The following FRMD6 variants were observed in gnomAD, a reference collection of about 807,000 sequenced individuals.
FRMD6 encodes FERM domain containing 6, also known as FERM domain-containing protein 6.
FRMD6 carries 37 observed loss-of-function variants against 73.2 expected under a neutral mutation model. The observed-to-expected ratio is 0.51, with a 90% CI of 0.39 to 0.66. The LOEUF (loss-of-function observed/expected upper bound fraction) is 0.66, where lower values mean the gene tolerates loss of function less well. FRMD6 is among the 30% of genes least tolerant of loss of function. The pLI, the probability that FRMD6 is intolerant of heterozygous loss-of-function variation, is 0.00. For synonymous variants in FRMD6, 273 were observed against 282.2 expected, an observed-to-expected ratio of 0.97 and a Z score of 0.33; for missense variants, 714 against 780.5, an observed-to-expected ratio of 0.91 and a Z score of 1.02.
At chr14:51,471,323 A>C in the FRMD6 span, among the ~76,000 whole-genome samples, 1 of 151,986 alleles carries the variant, frequency 6.6e-6, no homozygotes, top group East Asian at 1.9e-4. Flanking sequence ...CCCTGTCTCT[A>C]CTAAAAATAC....
At chr14:51,436,930 G>T in the FRMD6 span, 1 of 1,014,172 alleles carries the variant, frequency 9.9e-7, no homozygotes, top group Non-Finnish European at 1.4e-6. Flanking sequence ...ATGATGAAGG[G>T]GAGGGAGAGG....
intron 1 of FRMD6, among the ~76,000 whole-genome samples, chr14:51,569,679 T>C (rs1470990845): frequency 1.3e-5 from 2 of 151,554 alleles, no homozygotes; most frequent in Non-Finnish European, 1.5e-5. Context: ...TTTTTGTATT[T>C]TTTGTGGAGA....
At chr14:51,503,696 A>G (rs73285013) in intron 1 of FRMD6, among the ~76,000 whole-genome samples, 56,527 of 146,462 alleles carry the variant, frequency 0.39, 10,874 homozygotes, top group East Asian at 0.49. Flanking sequence ...TTTTTTTTGT[A>G]TCTCTGCTGG....
the FRMD6 span, among the ~76,000 whole-genome samples, chr14:51,412,492 G>C: frequency 1.3e-5 from 2 of 151,922 alleles, no homozygotes; most frequent in Admixed American, 6.6e-5. Flanking sequence ...ATGTAAGAGA[G>C]GGGGAGGGAA....
chr14:51,528,100 C>A (rs574933136), intron 1 of FRMD6, among the ~76,000 whole-genome samples: 1 of 152,158 alleles, frequency 6.6e-6, no homozygotes, highest in African/African-American at 2.4e-5. Context: ...TAGGATCATG[C>A]CACTGCACTC....
At chr14:51,452,107 A>G in the FRMD6 span, among the ~76,000 whole-genome samples, 1 of 152,260 alleles carries the variant, frequency 6.6e-6, no homozygotes, top group Non-Finnish European at 1.5e-5. Context: ...AACTGACAGT[A>G]GAGAGAATAC....
chr14:51,611,524 G>T (rs905373568), intron 2 of FRMD6, among the ~76,000 whole-genome samples: 3 of 152,108 alleles, frequency 2.0e-5, no homozygotes, highest in Non-Finnish European at 4.4e-5. Flanking sequence ...CCTAAAGTAC[G>T]GTCAAGATTG....
chr14:51,709,615 A>G (rs1276742488), intron 7 of FRMD6, among the ~76,000 whole-genome samples: 1 of 152,170 alleles, frequency 6.6e-6, no homozygotes, highest in Non-Finnish European at 1.5e-5. Context: ...TCTTCCTTGA[A>G]AGGCATAATT....
chr14:51,484,525 G>C (rs1882726815), upstream of FRMD6, among the ~76,000 whole-genome samples: 1 of 152,174 alleles, frequency 6.6e-6, no homozygotes, highest in Non-Finnish European at 1.5e-5. Context: ...CCACTCAGCA[G>C]TCACCCAGTG....
Position 51,620,383 on chromosome 14 carries a change from C to A in FRMD6, c.-147+49973C>A, listed in dbSNP as rs576947232. ...GAAGGAAAAAGATTCCGCAAAACCA[C>A]AAGGAAAGTTCCACTGATTTGGCGC... On this transcript the variant is annotated intron_variant, in intron 2 of 14. Transcript: ENST00000356218. 1.1e-4 allele frequency among the ~76,000 whole-genome samples: 16 copies of A among 152,182 alleles called. No individual in the cohort carries two copies. In the East Asian group the frequency reaches 3.1e-3, roughly 29 times the overall value.
At chr14:51,491,330 C>T (rs1021801220) in intron 1 of FRMD6, 1 of 152,348 alleles carries the variant, frequency 6.6e-6, no homozygotes, top group Non-Finnish European at 1.5e-5. Flanking sequence ...TTCCTTACAG[C>T]TGCTTCTTCT....
chr14:51,427,925 T>G, the FRMD6 span, among the ~76,000 whole-genome samples: 1 of 152,336 alleles, frequency 6.6e-6, no homozygotes, highest in South Asian at 2.1e-4. Flanking sequence ...TGTACAATAC[T>G]ACCACATTCT....
At chr14:51,622,869 G>A (rs142269480) in intron 2 of FRMD6, among the ~76,000 whole-genome samples, 2 of 152,094 alleles carry the variant, frequency 1.3e-5, no homozygotes, top group African/African-American at 2.4e-5. Context: ...GGACTCAAGC[G>A]ATCGTCCCAT....
chr14:51,639,049 G>GTGTC (rs1891703391), intron 2 of FRMD6, among the ~76,000 whole-genome samples: 1 of 149,514 alleles, frequency 6.7e-6, no homozygotes, highest in Non-Finnish European at 1.5e-5. Flanking sequence ...GACACTTCAA[G>GTGTC]TGTCAGGATT....
intron 1 of FRMD6, among the ~76,000 whole-genome samples, chr14:51,680,709 G>A (rs1333168038): frequency 9.9e-5 from 15 of 151,874 alleles, no homozygotes; most frequent in Admixed American, 2.0e-4. Context: ...GCTATAGTGG[G>A]TATTTGTGAT....
At chr14:51,452,908 A>T in the FRMD6 span, among the ~76,000 whole-genome samples, 2 of 152,320 alleles carry the variant, frequency 1.3e-5, no homozygotes, top group Non-Finnish European at 2.9e-5. Flanking sequence ...ATGTCTCATC[A>T]TCGGTAATCT....
chr14:51,409,284 C>T, the FRMD6 span, among the ~76,000 whole-genome samples: 4 of 151,664 alleles, frequency 2.6e-5, no homozygotes, highest in Admixed American at 6.6e-5. Flanking sequence ...AGAGCAAAAG[C>T]CAGCCTAAGT....
chr14:51,446,098 C>G, the FRMD6 span, among the ~76,000 whole-genome samples: 1 of 152,216 alleles, frequency 6.6e-6, no homozygotes, highest in Non-Finnish European at 1.5e-5. Flanking sequence ...TTCTTAGCTT[C>G]TACACTGTCT....
chr14:51,417,293 G>A, the FRMD6 span, among the ~76,000 whole-genome samples: 3 of 152,162 alleles, frequency 2.0e-5, no homozygotes, highest in Admixed American at 1.3e-4. Flanking sequence ...GCTGGTACCG[G>A]TTGTTCCTTT....
Sources: allele counts gnomAD v4.1 joint callset (sites outside exome capture counted in the v4.1 genomes callset), GRCh38; gene constraint gnomAD v4.1.1; transcripts MANE v1.5; gene names NCBI Gene and HGNC (gene_info 2026-07-23, HGNC 2026-07-21).